SPTLC1: variants seen among roughly 807,000 people sequenced by gnomAD.
SPTLC1 encodes the protein serine palmitoyltransferase 1.
Under a neutral mutation model 68.9 loss-of-function variants are expected in SPTLC1, and 55 were observed. That is an observed-to-expected ratio of 0.80 (90% CI 0.64 to 1.00). SPTLC1 has a LOEUF of 1.00. Ranked by LOEUF, SPTLC1 falls within the 50% of genes least tolerant of loss-of-function variation. The pLI is 0.00. For synonymous variants in SPTLC1, 197 were observed against 201.6 expected, an observed-to-expected ratio of 0.98 and a Z score of 0.19; for missense variants, 449 against 573.1, an observed-to-expected ratio of 0.78 and a Z score of 2.21.
At chr9:92,047,397 A>G in intron 10 of SPTLC1, 129 bp from the exon 11 acceptor site, 1 of 811,986 alleles carries the variant, frequency 1.2e-6, no homozygotes, top group Non-Finnish European at 2.1e-6. Flanking sequence ...AGATCCAGCC[A>G]TAAATAAACA....
At chr9:92,047,931 A>G (rs147067266) in intron 9 of SPTLC1, among the ~76,000 whole-genome samples, 6 of 152,270 alleles carry the variant, frequency 3.9e-5, no homozygotes, top group African/African-American at 1.4e-4. Flanking sequence ...CATTTTTACC[A>G]TTTCATTATA....
chr9:92,035,061 T>C (rs539040338), intron 13 of SPTLC1, among the ~76,000 whole-genome samples, 178 bp from the exon 14 acceptor site: 3 of 152,324 alleles, frequency 2.0e-5, no homozygotes, highest in African/African-American at 2.4e-5. Flanking sequence ...CAGAACTTTC[T>C]GCAATGACAA....
Position 92,032,026 on chromosome 9 carries a change from T to C in SPTLC1, c.*439A>G, listed in dbSNP as rs1338231779. 1 of 414,588 alleles carries C rather than the reference T, an allele frequency of 2.4e-6. No homozygotes were observed. The highest frequency in any genetic ancestry group is 4.3e-6 in the Non-Finnish European group (1 of 234,462). 25.7% of individuals were successfully genotyped at this position (414,588 alleles called of 1,614,324 possible). Reference sequence around the variant, plus strand: ...TAAATTTGTACCACATATGTTGAAGTGTTCCTCTTAGCTTTAATGTTGCAG... The same window carrying C: ...TAAATTTGTACCACATATGTTGAAGCGTTCCTCTTAGCTTTAATGTTGCAG... On this transcript the variant is annotated 3_prime_UTR_variant, in exon 15 of 15. Coordinates refer to ENST00000262554, the MANE Select transcript of SPTLC1 (RefSeq NM_006415.4).
At chr9:92,043,839 CA>C (rs1427641709) in intron 12 of SPTLC1, among the ~76,000 whole-genome samples, 1 of 152,092 alleles carries the variant, frequency 6.6e-6, no homozygotes, top group East Asian at 1.9e-4. Context: ...CTTTTTTGCT[CA>C]AAACCATGCC....
At position 92,115,397 on chromosome 9, in the gene SPTLC1, G is replaced by A. The variant is rs558203491; in HGVS notation, c.-27C>T. ...GTTAGCCGCTTCCTTCCGGAAGGCG[G>A]GTCACAAGCGCGTCCCAAAAGTGCG... On this transcript the variant is annotated 5_prime_UTR_variant, in exon 1 of 15. Transcript: ENST00000262554. 8.7e-6 allele frequency: 14 copies of A among 1,611,950 alleles called. No individual in the cohort carries two copies. In the East Asian group the frequency reaches 3.1e-4, roughly 36 times the overall value.
intron 5 of SPTLC1, chr9:92,079,447 T>C: frequency 6.2e-7 from 1 of 1,600,252 alleles, no homozygotes; most frequent in Non-Finnish European, 8.5e-7. Context: ...AAAATGCCGG[T>C]CTTCTTTGAT....
In SPTLC1 at chr9:92,047,270, T is replaced by A; in HGVS notation, c.985-2A>T. 1 of 1,613,512 alleles carries A rather than the reference T, an allele frequency of 6.2e-7. No individual in the cohort carries two copies. Among genetic ancestry groups the A allele is most frequent in the African/African-American group, 1.3e-5 (1 of 75,026 alleles). On this transcript the variant is annotated splice_acceptor_variant, in intron 10 of 14. Transcript: ENST00000262554. LOFTEE classifies it high-confidence loss of function. ...GCAGTATCCCTGGCCGGAAAGTCGC[T>A]GAGAAGAAACAAATGAAGACATATA...
intron 3 of SPTLC1, chr9:92,105,144 C>T (rs1835908934): frequency 1.3e-6 from 2 of 1,533,946 alleles, no homozygotes; most frequent in Non-Finnish European, 1.7e-6. Context: ...TCTTCTCCAC[C>T]CAGAGCTGCC....
At chr9:92,063,021 G>A (rs758913249) in intron 6 of SPTLC1, among the ~76,000 whole-genome samples, 22 of 151,828 alleles carry the variant, frequency 1.4e-4, no homozygotes, top group Admixed American at 3.3e-4. Flanking sequence ...GAAATAATAG[G>A]AGAAATCAAT....
chr9:92,115,157 G>A, intron 1 of SPTLC1, 157 bp downstream of exon 1: 1 of 706,714 alleles, frequency 1.4e-6, no homozygotes, highest in South Asian at 1.5e-5. Flanking sequence ...TCAACCGCTG[G>A]GACTAGAAGC....
rs71362367 is a variant in SPTLC1, at chr9:92,045,524, T to TAAAA, written c.1136+471_1136+474dup. Among the ~76,000 whole-genome samples the TAAAA allele has an allele frequency of 3.5e-3, 110 of 31,598 alleles. 8 individuals carry two copies. Among genetic ancestry groups the TAAAA allele is most frequent in the African/African-American group, 8.1e-3 (72 of 8,940 alleles). The allele number at this position is 31,598 out of a possible 152,430, so 20.7% of individuals were successfully genotyped here. A position where few individuals can be genotyped will look rare whatever the true frequency, so the allele number is the denominator to read the frequency against. ...AAAAAAAAAAGTGACTCTTGTGTAG[T>TAAAA]AAAAAAAAAAAAAAAAAAAAAAAAA... On this transcript the variant is annotated intron_variant, in intron 12 of 14. Transcript: ENST00000262554.
intron 8 of SPTLC1, among the ~76,000 whole-genome samples, chr9:92,053,334 GC>G (rs1253547277): frequency 9.2e-5 from 14 of 152,282 alleles, no homozygotes; most frequent in African/African-American, 3.4e-4. Flanking sequence ...TGGTGCAATC[GC>G]TGTTGAAAAC....
intron 3 of SPTLC1, chr9:92,105,424 G>C: frequency 1.4e-6 from 2 of 1,458,020 alleles, no homozygotes; most frequent in Non-Finnish European, 1.9e-6. Flanking sequence ...AGAGACAGCA[G>C]GGCAGGCGTG....
intron 3 of SPTLC1, among the ~76,000 whole-genome samples, chr9:92,083,606 G>A (rs1834987467): frequency 1.3e-5 from 2 of 152,168 alleles, no homozygotes; most frequent in African/African-American, 4.8e-5. Context: ...CTATATCTCT[G>A]TTTTAGTACC....
At chr9:92,060,104 C>G (rs1253892344) in intron 6 of SPTLC1, among the ~76,000 whole-genome samples, 1 of 152,126 alleles carries the variant, frequency 6.6e-6, no homozygotes. Context: ...AACAAAGAAA[C>G]CCCCAACGAT....
rs748634825 is a variant in SPTLC1 at position 92,050,063 on chromosome 9, T to A, written c.785A>T (p.Lys262Met). 6.9e-6 allele frequency: 11 copies of A among 1,592,682 alleles called. No homozygotes were observed. The Admixed American group carries it at 1.8e-4, about 27-fold the overall frequency. Residue 262 changes from lysine (K) to methionine (M), a missense_variant, in exon 9 of 15, where the codon AAG becomes ATG. Physicochemically the swap from Lys to Met is moderately conservative, Grantham distance 95. This residue lies in a region of SPTLC1 where 391 missense variants were observed against 472.1 expected (regional missense o/e 0.83). Coordinates refer to ENST00000262554, the MANE Select transcript of SPTLC1 (RefSeq NM_006415.4). The part of the protein sequence containing the change: ...GTICPLPELV[K>M]LKYKYKARIF... Reference sequence around the variant, plus strand: ...TCTTGCTTTGTATTTGTATTTTAACTTAACCTAAGTGTTATATAAACGTTA... The same window carrying A: ...TCTTGCTTTGTATTTGTATTTTAACATAACCTAAGTGTTATATAAACGTTA...
chr9:92,113,611 C>T (rs1275244772), intron 1 of SPTLC1, among the ~76,000 whole-genome samples: 1 of 152,182 alleles, frequency 6.6e-6, no homozygotes, highest in African/African-American at 2.4e-5. Context: ...TTTAAAAAAT[C>T]ATTTATAAAA....
Position 92,068,029 on chromosome 9 carries a change from T to C in SPTLC1, c.497A>G (p.Tyr166Cys). ...AGCACTGGCTATGGTGGCAAATCCA[T>C]ATGAGTATATAATGGCTTCTTCTGT... is the stretch of plus-strand genomic sequence containing the variant. ...MKTEEAIIYSYGFATIASAIP... is the reference protein window; with the variant it reads ...MKTEEAIIYSCGFATIASAIP... The change falls in exon 6 of 15, where the codon TAT (tyrosine) becomes TGT (cysteine). Residue 166 changes from tyrosine to cysteine, a missense_variant. Around this residue, in one of 3 missense-constraint regions of SPTLC1, gnomAD observed 391 missense variants for 472.1 expected, o/e 0.83. Transcript: ENST00000262554. 2 of 1,614,084 alleles carry C rather than the reference T, an allele frequency of 1.2e-6. No individual in the cohort carries two copies.
intron 11 of SPTLC1, chr9:92,046,441 C>A: frequency 5.2e-6 from 1 of 191,126 alleles, no homozygotes; most frequent in Non-Finnish European, 1.1e-5. Context: ...TTGATATTTT[C>A]CTTTTTTATT....
Sources: allele counts gnomAD v4.1 joint callset (sites outside exome capture counted in the v4.1 genomes callset), GRCh38; gene constraint gnomAD v4.1.1; regional missense constraint gnomAD v4.1.1; transcripts MANE v1.5; gene names NCBI Gene and HGNC (gene_info 2026-07-23, HGNC 2026-07-21).